Variants in GRIK2 observed in about 807,000 individuals in gnomAD.
GRIK2 encodes glutamate ionotropic receptor kainate type subunit 2.
GRIK2 carries 32 observed loss-of-function variants against 100.3 expected under a neutral mutation model. That is an observed-to-expected ratio of 0.32 (90% confidence interval 0.24 to 0.43). The LOEUF (loss-of-function observed/expected upper bound fraction) is 0.43. GRIK2 is among the 20% of genes least tolerant of loss of function. The probability of loss-of-function intolerance (pLI) is 1.00; values close to 1 mark genes in which losing one functional copy is unlikely to be tolerated. For missense variants in GRIK2, 843 were observed against 1,114.9 expected, an observed-to-expected ratio of 0.76 and a Z score of 3.47; for synonymous variants, 417 against 389.4, an observed-to-expected ratio of 1.07 and a Z score of -0.83.
chr6:101,572,752 CT>C (rs200522647), intron 2 of GRIK2, among the ~76,000 whole-genome samples: 5,566 of 79,272 alleles, frequency 0.07, 132 homozygotes, highest in Non-Finnish European at 0.1. Context: ...GCCTCAGTTT[CT>C]TTTTTTTTTT....
At chr6:101,653,542 G>A (rs1562287075) in intron 4 of GRIK2, among the ~76,000 whole-genome samples, 1 of 152,092 alleles carries the variant, frequency 6.6e-6, no homozygotes, top group South Asian at 2.1e-4. Flanking sequence ...CTCTGCCTGA[G>A]TATTTTTCTA....
rs1448080692 is a variant in GRIK2, at chr6:101,905,020, G to T, written c.1748+15157G>T. 2.0e-5 allele frequency among the ~76,000 whole-genome samples: 3 copies of T among 151,508 alleles called. No homozygotes were observed. The Admixed American group carries it at 2.0e-4, about 10-fold the overall frequency. ...ATTGTATTTTAAATCTCATTTACAT[G>T]TTAGACAAGAAATGACAATTATTAA... On this transcript the variant is annotated intron_variant, in intron 12 of 16. Transcript: ENST00000369134.
chr6:101,514,886 G>A (rs1582620822), intron 2 of GRIK2, among the ~76,000 whole-genome samples: 1 of 152,148 alleles, frequency 6.6e-6, no homozygotes, highest in East Asian at 1.9e-4. Flanking sequence ...GTAGAACAGA[G>A]GATGTTTTCT....
chr6:101,935,355 C>T (rs1790549542), intron 14 of GRIK2, among the ~76,000 whole-genome samples: 1 of 151,762 alleles, frequency 6.6e-6, no homozygotes, highest in Non-Finnish European at 1.5e-5. Context: ...CTTTTGAGCA[C>T]TTGTGTTTCT....
chr6:101,474,487 A>T (rs1772123552), intron 2 of GRIK2, among the ~76,000 whole-genome samples: 1 of 151,924 alleles, frequency 6.6e-6, no homozygotes. Context: ...CTGAATATTT[A>T]TCTGACCAAT....
At chr6:101,879,543 T>C (rs1313964790) in intron 11 of GRIK2, among the ~76,000 whole-genome samples, 1 of 151,996 alleles carries the variant, frequency 6.6e-6, no homozygotes, top group South Asian at 2.1e-4. Context: ...TCTTGGGTTC[T>C]TGAACCTCTC....
intron 14 of GRIK2, among the ~76,000 whole-genome samples, chr6:101,955,616 C>CTCTCTCTCTCTCTCTCTCTCTCTCTCT (rs1554292263): frequency 2.2e-5 from 3 of 135,592 alleles, no homozygotes; most frequent in Admixed American, 1.5e-4. Context: ...CTCTCTCTCT[C>CTCTCTCTCTCTCTCTCTCTCTCTCTCT]CCCCCCATTT....
At chr6:101,856,791 C>T (rs1472610590) in intron 10 of GRIK2, among the ~76,000 whole-genome samples, 1 of 152,010 alleles carries the variant, frequency 6.6e-6, no homozygotes, top group Non-Finnish European at 1.5e-5. Flanking sequence ...CTGACAAATG[C>T]AGGCTGCAGT....
At chr6:101,839,730 T>G (rs1316825123) in intron 10 of GRIK2, among the ~76,000 whole-genome samples, 1 of 152,094 alleles carries the variant, frequency 6.6e-6, no homozygotes, top group Admixed American at 6.5e-5. Context: ...AAATCAGATT[T>G]GTAAGATATA....
intron 7 of GRIK2, among the ~76,000 whole-genome samples, chr6:101,751,099 CTA>C (rs1165032987): frequency 6.6e-6 from 1 of 151,982 alleles, no homozygotes; most frequent in Non-Finnish European, 1.5e-5. Flanking sequence ...ATTTATGTAT[CTA>C]TTTCTTCTAA....
At chr6:101,654,898 A>G (rs1781986220) in intron 4 of GRIK2, among the ~76,000 whole-genome samples, 1 of 152,106 alleles carries the variant, frequency 6.6e-6, no homozygotes, top group Admixed American at 6.6e-5. Context: ...TCCTTGTGTT[A>G]ACAACTTAGT....
intron 2 of GRIK2, among the ~76,000 whole-genome samples, chr6:101,565,370 A>C (rs1187104191): frequency 6.6e-6 from 1 of 152,156 alleles, no homozygotes; most frequent in Admixed American, 6.6e-5. Context: ...AGTCTTTACC[A>C]GTCAGCACAA....
chr6:101,514,694 T>A (rs1175689062), intron 2 of GRIK2, among the ~76,000 whole-genome samples: 1 of 152,098 alleles, frequency 6.6e-6, no homozygotes, highest in Non-Finnish European at 1.5e-5. Context: ...AAGATCATAA[T>A]GTTAAATTAC....
intron 7 of GRIK2, among the ~76,000 whole-genome samples, chr6:101,782,792 CAT>C (rs1779177504): frequency 6.6e-6 from 1 of 151,356 alleles, no homozygotes. Flanking sequence ...TGCTATTTTC[CAT>C]AATGGCTGTA....
intron 9 of GRIK2, among the ~76,000 whole-genome samples, chr6:101,809,778 G>A (rs1349967858): frequency 1.3e-5 from 2 of 151,964 alleles, no homozygotes; most frequent in African/African-American, 2.4e-5. Context: ...GGAGATGTTA[G>A]CCATTTAATT....
At chr6:101,399,512 C>T in intron 2 of GRIK2, 120 bp downstream of exon 2, 2 of 675,638 alleles carry the variant, frequency 3.0e-6, no homozygotes, top group South Asian at 1.7e-5. Context: ...ACTGCTCTGT[C>T]GTCTCCTGGG....
intron 2 of GRIK2, among the ~76,000 whole-genome samples, chr6:101,439,314 A>T (rs1769913848): frequency 6.6e-6 from 1 of 152,106 alleles, no homozygotes; most frequent in Admixed American, 6.6e-5. Flanking sequence ...TAACAGCTTT[A>T]TGCATAAAGA....
At chr6:101,926,289 A>G (rs566703810) in intron 13 of GRIK2, among the ~76,000 whole-genome samples, 4 of 151,252 alleles carry the variant, frequency 2.6e-5, no homozygotes, top group African/African-American at 9.7e-5. Flanking sequence ...TGAATGAAAA[A>G]GCCCGTCATA....
chr6:101,959,550 C>G (rs1792153590), intron 14 of GRIK2, among the ~76,000 whole-genome samples: 1 of 151,866 alleles, frequency 6.6e-6, no homozygotes, highest in African/African-American at 2.4e-5. Flanking sequence ...TTTGTTGATC[C>G]TTTGTATTTT....
Sources: gnomAD v4.1 joint callset for allele counts (sites outside exome capture counted in the v4.1 genomes callset) on GRCh38, gnomAD v4.1.1 for gene constraint, MANE v1.5 for transcripts, NCBI Gene and HGNC (gene_info 2026-07-23, HGNC 2026-07-21) for gene names.